PDE3A: variants seen among roughly 807,000 people sequenced by gnomAD.
PDE3A encodes the protein cGMP-inhibited 3',5'-cyclic phosphodiesterase 3A.
In PDE3A, 43 loss-of-function variants were observed where a neutral mutation model predicts 98.3. That is an observed-to-expected ratio of 0.44 (90% confidence interval 0.34 to 0.56). The LOEUF (loss-of-function observed/expected upper bound fraction) is 0.56. Ranked by LOEUF, PDE3A falls within the 20% of genes least tolerant of loss-of-function variation. The pLI, the probability that PDE3A is intolerant of heterozygous loss-of-function variation, is 0.01. For synonymous variants in PDE3A, 663 were observed against 567.9 expected (o/e 1.17, Z -2.38); for missense variants, 1,427 against 1,440.7 (o/e 0.99, Z 0.15).
At position 20,485,149 on chromosome 12, in the gene PDE3A, A is replaced by C. The variant is rs567690331; in HGVS notation, c.961-71511A>C. Among the ~76,000 whole-genome samples, 59 of 152,280 alleles carry C rather than the reference A, an allele frequency of 3.9e-4. 1 individual carries two copies. The highest frequency in any genetic ancestry group is 4.1e-4 in the Non-Finnish European group (28 of 68,016). On this transcript the variant is annotated intron_variant, in intron 1 of 15. Coordinates refer to ENST00000359062, the MANE Select transcript of PDE3A (RefSeq NM_000921.5). Reference sequence around the variant, plus strand: ...TTGTCCCACAGTTCTGGAGGCTGCAAGTCGAAGATCAAGGTGTCAGCAAGT... The same window carrying C: ...TTGTCCCACAGTTCTGGAGGCTGCACGTCGAAGATCAAGGTGTCAGCAAGT...
intron 1 of PDE3A, among the ~76,000 whole-genome samples, chr12:20,447,522 A>G (rs1053241848): frequency 1.3e-5 from 2 of 152,172 alleles, no homozygotes; most frequent in Non-Finnish European, 2.9e-5. Flanking sequence ...TGAAGCCTCT[A>G]TGTAAAACCT....
At chr12:20,615,723 GTATTTATTTATT>G (rs150924685) in intron 3 of PDE3A, among the ~76,000 whole-genome samples, 1 of 151,854 alleles carries the variant, frequency 6.6e-6, no homozygotes, top group Non-Finnish European at 1.5e-5. Flanking sequence ...GGTTGGTTAT[GTATTTATTTATT>G]TATTTATTAG....
At chr12:20,529,623 C>G (rs1946588681) in intron 1 of PDE3A, among the ~76,000 whole-genome samples, 1 of 151,910 alleles carries the variant, frequency 6.6e-6, no homozygotes, top group Admixed American at 6.6e-5. Context: ...CATCTACAAG[C>G]CAAGGAACCC....
In PDE3A at chr12:20,415,921, G is replaced by A. The variant is rs548801728; in HGVS notation, c.960+45677G>A. Among the ~76,000 whole-genome samples the A allele has an allele frequency of 3.2e-4, 48 of 152,268 alleles. 1 individual carries two copies. Among genetic ancestry groups the A allele is most frequent in the African/African-American group, 1.1e-3 (47 of 41,552 alleles). ...CAAACTTGGACACATACTAGGTTGT[G>A]ACTCTGGATGTGATATTCAATTTCT... On this transcript the variant is annotated intron_variant, in intron 1 of 15. Transcript: ENST00000359062.
At chr12:20,653,703 T>C (rs1345296344) in intron 14 of PDE3A, among the ~76,000 whole-genome samples, 2 of 152,212 alleles carry the variant, frequency 1.3e-5, no homozygotes, top group Admixed American at 6.5e-5. Context: ...ACTTGTGTGA[T>C]TAAAATATCA....
intron 1 of PDE3A, among the ~76,000 whole-genome samples, chr12:20,455,671 T>C (rs958113779): frequency 6.6e-6 from 1 of 152,212 alleles, no homozygotes; most frequent in Non-Finnish European, 1.5e-5. Context: ...CTATGTTTAT[T>C]CTAAAATTGG....
In PDE3A at chr12:20,452,319, A is replaced by G. The variant is rs76304438; in HGVS notation, c.960+82075A>G. 7.9e-5 allele frequency among the ~76,000 whole-genome samples: 12 copies of G among 152,128 alleles called. No homozygotes were observed. In the East Asian group the frequency reaches 2.3e-3, roughly 29 times the overall value. ...TAAGTGAAACAAAATAATTTTTTAGAATTTGGAAGTCATTTGTCTTAATGT... is the reference window on the plus strand; with the variant it reads ...TAAGTGAAACAAAATAATTTTTTAGGATTTGGAAGTCATTTGTCTTAATGT... On this transcript the variant is annotated intron_variant, in intron 1 of 15. Transcript: ENST00000359062.
At position 20,637,224 on chromosome 12, in the gene PDE3A, G is replaced by A. The variant is rs1008864866; in HGVS notation, c.2126G>A (p.Arg709His). Residue 709 changes from arginine (R) to histidine (H), a missense_variant, in exon 9 of 16, where the codon CGT (arginine) becomes CAT (histidine). Around this residue, in one of 3 missense-constraint regions of PDE3A, gnomAD observed 273 missense variants for 420.3 expected, o/e 0.65. Transcript: ENST00000359062. ...GAAAATATAGGAAGAAAATGTGGCC[G>A]TATTCTTAGTCAGGTAAGAAATGCA... is the stretch of plus-strand genomic sequence containing the variant. The part of the protein sequence containing the change: ...LVENIGRKCG[R>H]ILSQVSYRLF... The A allele has an allele frequency of 4.4e-6, 7 of 1,603,704 alleles. No homozygotes were observed. Among genetic ancestry groups the A allele is most frequent in the East Asian group, 2.2e-5 (1 of 44,620 alleles).
intron 1 of PDE3A, among the ~76,000 whole-genome samples, chr12:20,409,054 A>G (rs1944286392): frequency 6.6e-6 from 1 of 152,150 alleles, no homozygotes; most frequent in Admixed American, 6.5e-5. Context: ...ATGAATGGTA[A>G]AACAAATCTG....
At chr12:20,396,146 G>T (rs1490595051) in intron 1 of PDE3A, among the ~76,000 whole-genome samples, 2 of 151,964 alleles carry the variant, frequency 1.3e-5, no homozygotes, top group Non-Finnish European at 2.9e-5. Context: ...TATTATAAAT[G>T]AAAAAAACCC....
At chr12:20,462,480 A>G (rs949653906) in intron 1 of PDE3A, among the ~76,000 whole-genome samples, 7 of 152,128 alleles carry the variant, frequency 4.6e-5, no homozygotes, top group African/African-American at 1.4e-4. Flanking sequence ...AACGAGCAAG[A>G]CTTCATCTAA....
intron 2 of PDE3A, among the ~76,000 whole-genome samples, chr12:20,574,673 C>T (rs758968712): frequency 1.3e-5 from 2 of 152,022 alleles, no homozygotes; most frequent in African/African-American, 2.4e-5. Flanking sequence ...CAAGTATGCT[C>T]AGCATGATGA....
intron 1 of PDE3A, among the ~76,000 whole-genome samples, chr12:20,379,442 T>C (rs190431293): frequency 6.6e-4 from 100 of 151,816 alleles, no homozygotes; most frequent in African/African-American, 2.2e-3. Context: ...GCTTATGCTG[T>C]ATTGAGAATT....
rs866877617 is a variant in PDE3A, at chr12:20,686,656, A to T, written c.*6385A>T. Among the ~76,000 whole-genome samples, 3 of 152,194 alleles carry T rather than the reference A, an allele frequency of 2.0e-5. No homozygotes were observed. The highest frequency in any genetic ancestry group is 6.5e-5 in the Admixed American group (1 of 15,274). ...CTGTTTCAAAACAAAAACCAGATGAAGAAAAAACAAAGACAAACTCATAGG... is the reference window on the plus strand; with the variant it reads ...CTGTTTCAAAACAAAAACCAGATGATGAAAAAACAAAGACAAACTCATAGG... On this transcript the variant is annotated 3_prime_UTR_variant, in exon 16 of 16. Coordinates refer to ENST00000359062, the MANE Select transcript of PDE3A (RefSeq NM_000921.5).
At chr12:20,562,519 CTT>C (rs11309986) in intron 2 of PDE3A, among the ~76,000 whole-genome samples, 32 of 149,060 alleles carry the variant, frequency 2.1e-4, no homozygotes, top group South Asian at 6.4e-4. Flanking sequence ...TGCCCAGCTG[CTT>C]TTTTTTTTTG....
intron 2 of PDE3A, among the ~76,000 whole-genome samples, chr12:20,563,642 A>G (rs1942585280): frequency 6.6e-6 from 1 of 152,158 alleles, no homozygotes. Context: ...GCAACTCTCC[A>G]AAGACAGTTT....
intron 1 of PDE3A, among the ~76,000 whole-genome samples, chr12:20,537,675 A>T (rs970482044): frequency 6.6e-6 from 1 of 152,050 alleles, no homozygotes; most frequent in African/African-American, 2.4e-5. Flanking sequence ...AGGCCATATG[A>T]TATTCTATTT....
At chr12:20,457,243 TTATTATTCTATTATA>T (rs1591952518) in intron 1 of PDE3A, among the ~76,000 whole-genome samples, 1 of 151,374 alleles carries the variant, frequency 6.6e-6, no homozygotes, top group Non-Finnish European at 1.5e-5. Flanking sequence ...ATTGTTATTA[TTATTATTCTATTATA>T]TATTATTCTA....
In PDE3A at chr12:20,521,549, T is replaced by C. The variant is rs1946427909; in HGVS notation, c.961-35111T>C. On this transcript the variant is annotated intron_variant, in intron 1 of 15. Coordinates refer to ENST00000359062, the MANE Select transcript of PDE3A (RefSeq NM_000921.5). ...TGATACACAGTCCATTTTAAAAAGA[T>C]ATATGTGTGTATTTTATACGATGCT... is the stretch of plus-strand genomic sequence containing the variant. Among the ~76,000 whole-genome samples, 2 of 152,196 alleles carry C rather than the reference T, an allele frequency of 1.3e-5. 1 individual carries two copies. The highest frequency in any genetic ancestry group is 4.1e-4 in the South Asian group (2 of 4,834).
Sources: gnomAD v4.1 joint callset for allele counts (sites outside exome capture counted in the v4.1 genomes callset) on GRCh38, gnomAD v4.1.1 for gene constraint, gnomAD v4.1.1 regional missense constraint, MANE v1.5 for transcripts, NCBI Gene and HGNC (gene_info 2026-07-23, HGNC 2026-07-21) for gene names.